The following SLCO3A1 variants were observed in gnomAD, a reference collection of about 807,000 sequenced individuals.
SLCO3A1 encodes solute carrier organic anion transporter family member 3A1, also known as PGE1 transporter.
Under a neutral mutation model 63.1 loss-of-function variants are expected in SLCO3A1, and 27 were observed. That is an observed-to-expected ratio of 0.43 (90% confidence interval 0.32 to 0.59). The LOEUF (loss-of-function observed/expected upper bound fraction) is 0.59, where lower values mean the gene tolerates loss of function less well. SLCO3A1 is among the 20% of genes least tolerant of loss of function. SLCO3A1 has a pLI of 0.09. For missense variants in SLCO3A1, 773 were observed against 945.8 expected (o/e 0.82, Z 2.40); for synonymous variants, 473 against 409.9 (o/e 1.15, Z -1.86).
intron 2 of SLCO3A1, among the ~76,000 whole-genome samples, chr15:92,081,788 C>T (rs769823136): frequency 6.6e-5 from 10 of 152,222 alleles, no homozygotes; most frequent in Non-Finnish European, 1.2e-4. Context: ...GGGAAAAGCC[C>T]ATTGCCTAGT....
At chr15:91,934,068 T>TA (rs770179240) in intron 2 of SLCO3A1, among the ~76,000 whole-genome samples, 10 of 152,170 alleles carry the variant, frequency 6.6e-5, no homozygotes, top group Non-Finnish European at 1.2e-4. Flanking sequence ...ATTTCATGGA[T>TA]GCTCAGAAGA....
rs1896990749 is a variant in SLCO3A1, at chr15:91,859,066, A to G, written c.180+4978A>G. Among the ~76,000 whole-genome samples the G allele has an allele frequency of 6.6e-6, 1 of 152,220 alleles. No individual in the cohort carries two copies. Among genetic ancestry groups the G allele is most frequent in the Non-Finnish European group, 1.5e-5 (1 of 68,038 alleles). ...TACTTCTCTTCTGCATATGTACTCT[A>G]TTCTGTACATTGCCGCATGCATTGC... On this transcript the variant is annotated intron_variant, in intron 1 of 9. Coordinates refer to ENST00000318445, the MANE Select transcript of SLCO3A1 (RefSeq NM_013272.4). This position sits in a 1 kb window ranked among gnomAD's most constrained non-coding sequence, Gnocchi z 5.1.
Position 92,162,604 on chromosome 15 carries a change from A to G in SLCO3A1, c.1754-152A>G, listed in dbSNP as rs150096324. 235 of 1,280,606 alleles carry G rather than the reference A, an allele frequency of 1.8e-4. 2 individuals carry two copies. In the East Asian group the frequency reaches 4.6e-3, roughly 25 times the overall value. The allele number at this position is 1,280,606 out of a possible 1,614,324, so 79.3% of individuals were successfully genotyped here. On this transcript the variant is annotated intron_variant, in intron 9 of 9. Transcript: ENST00000318445. ...TAATAAAAAGGCAGAACTGGGACACAAACTCATGCGCTTTGCCTCCTGAGC... is the reference window on the plus strand; with the variant it reads ...TAATAAAAAGGCAGAACTGGGACACGAACTCATGCGCTTTGCCTCCTGAGC...
In SLCO3A1 at chr15:92,163,189, TAAA is replaced by T; in HGVS notation, c.*59_*61del. On this transcript the variant is annotated 3_prime_UTR_variant, in exon 10 of 10. Coordinates refer to ENST00000318445, the MANE Select transcript of SLCO3A1 (RefSeq NM_013272.4). The stretch of plus-strand genomic sequence containing the variant: ...AGTAATCCAAGGGTCATTTTTTTCT[TAAA>T]AAAAGAAAAAAAGGTTCCAAAAAAA... The T allele has an allele frequency of 7.1e-7, 1 of 1,413,990 alleles. No homozygotes were observed. Among genetic ancestry groups the T allele is most frequent in the Non-Finnish European group, 9.2e-7 (1 of 1,087,820 alleles). The allele number at this position is 1,413,990 out of a possible 1,614,324, so 87.6% of individuals were successfully genotyped here.
chr15:91,867,069 A>G (rs1897183156), intron 1 of SLCO3A1, among the ~76,000 whole-genome samples: 1 of 152,210 alleles, frequency 6.6e-6, no homozygotes, highest in South Asian at 2.1e-4. Context: ...ACCCAGGGCC[A>G]CAGCCGGGCT....
chr15:92,126,402 T>A (rs540829749), intron 6 of SLCO3A1, 143 bp downstream of exon 6: 1 of 663,400 alleles, frequency 1.5e-6, no homozygotes, highest in Admixed American at 2.4e-5. Flanking sequence ...ACTGTCCACG[T>A]TGGAGAATCA....
chr15:92,162,727 G>A, intron 9 of SLCO3A1, 29 bp from the exon 10 acceptor site: 1 of 1,587,606 alleles, frequency 6.3e-7, no homozygotes, highest in Non-Finnish European at 8.6e-7. Flanking sequence ...ACCAGATCCA[G>A]AACCTTAACA....
chr15:92,031,746 C>A (rs1449275106), intron 2 of SLCO3A1, among the ~76,000 whole-genome samples: 1 of 152,170 alleles, frequency 6.6e-6, no homozygotes, highest in African/African-American at 2.4e-5. Flanking sequence ...ATAATAATCA[C>A]ATCAGGGTCA....
intron 2 of SLCO3A1, among the ~76,000 whole-genome samples, chr15:92,028,744 A>G (rs1477657887): frequency 6.6e-6 from 1 of 152,206 alleles, no homozygotes. Flanking sequence ...TGTGGAGAAG[A>G]TGCTGCAATT....
At position 91,967,527 on chromosome 15, in the gene SLCO3A1, A is replaced by G. The variant is rs2151426177; in HGVS notation, c.646+51069A>G. On this transcript the variant is annotated intron_variant, in intron 2 of 9. Transcript: ENST00000318445. This position sits in a 1 kb window ranked among gnomAD's most constrained non-coding sequence, Gnocchi z 4.4. ...AGGTGCCGTTGTGGGGACATAACGC[A>G]GAAGCGTTGCCACAGGATAAAGACA... is the stretch of plus-strand genomic sequence containing the variant. 6.6e-6 allele frequency among the ~76,000 whole-genome samples: 1 copy of G among 152,354 alleles called. No individual in the cohort carries two copies. Among genetic ancestry groups the G allele is most frequent in the East Asian group, 1.9e-4 (1 of 5,180 alleles).
At chr15:92,052,507 A>G (rs1476182293) in intron 2 of SLCO3A1, among the ~76,000 whole-genome samples, 2 of 152,112 alleles carry the variant, frequency 1.3e-5, no homozygotes, top group Non-Finnish European at 2.9e-5. Flanking sequence ...CTTTCTCAGC[A>G]GTTTCCAGCA....
intron 9 of SLCO3A1, among the ~76,000 whole-genome samples, chr15:92,156,406 C>G (rs2048372448): frequency 6.6e-6 from 1 of 152,202 alleles, no homozygotes; most frequent in African/African-American, 2.4e-5. Flanking sequence ...CCACCCTTAC[C>G]TGTACTGAGA....
intron 1 of SLCO3A1, among the ~76,000 whole-genome samples, chr15:91,888,051 G>C (rs1373489556): frequency 4.6e-5 from 7 of 152,214 alleles, no homozygotes; most frequent in African/African-American, 1.7e-4. Context: ...GTGTTTGGCA[G>C]ATTTGAGATT....
At chr15:91,981,402 T>C (rs1440636236) in intron 2 of SLCO3A1, among the ~76,000 whole-genome samples, 5 of 152,158 alleles carry the variant, frequency 3.3e-5, no homozygotes, top group African/African-American at 1.2e-4. Flanking sequence ...CATCTCTCTT[T>C]AGACTCCGCT....
At chr15:91,963,855 A>C (rs969832032) in intron 2 of SLCO3A1, among the ~76,000 whole-genome samples, 4 of 152,116 alleles carry the variant, frequency 2.6e-5, no homozygotes, top group South Asian at 2.1e-4. Flanking sequence ...CAAAGCTTCC[A>C]CGGCGTGGAA....
intron 3 of SLCO3A1, among the ~76,000 whole-genome samples, chr15:92,100,498 G>T (rs1475437211): frequency 1.3e-5 from 2 of 152,134 alleles, no homozygotes; most frequent in Non-Finnish European, 2.9e-5. Context: ...AGACAGATTG[G>T]TGCTTTCAGT....
intron 2 of SLCO3A1, among the ~76,000 whole-genome samples, chr15:92,048,878 C>T (rs1225515369): frequency 1.3e-5 from 2 of 152,296 alleles, no homozygotes; most frequent in East Asian, 1.9e-4. Context: ...TGCTTTAGAG[C>T]ATTTGTGCAT....
chr15:91,915,121 G>A (rs1365360235), intron 1 of SLCO3A1, among the ~76,000 whole-genome samples: 2 of 152,072 alleles, frequency 1.3e-5, no homozygotes, highest in Admixed American at 6.6e-5. Context: ...CCCCCTTGGT[G>A]TGAGGTCTGC....
chr15:92,016,258 A>ATTGATTGAT (rs1381678735), intron 2 of SLCO3A1, among the ~76,000 whole-genome samples: 5 of 126,174 alleles, frequency 4.0e-5, no homozygotes, highest in African/African-American at 1.7e-4. Context: ...GATAGATTAG[A>ATTGATTGAT]TAGATAGATA....
Sources: allele counts gnomAD v4.1 joint callset (sites outside exome capture counted in the v4.1 genomes callset), GRCh38; gene constraint gnomAD v4.1.1; non-coding constraint Gnocchi (gnomAD v3.1); transcripts MANE v1.5; gene names NCBI Gene and HGNC (gene_info 2026-07-23, HGNC 2026-07-21).